The following CEBPZ variants were observed in gnomAD, a reference collection of about 807,000 sequenced individuals.
CEBPZ encodes the protein CCAAT enhancer binding protein zeta.
A neutral mutation model predicts 104.5 loss-of-function variants in CEBPZ; 78 were observed. That is an observed-to-expected ratio of 0.75 (90% confidence interval 0.62 to 0.90). The LOEUF (loss-of-function observed/expected upper bound fraction) is 0.90. Ranked by LOEUF, CEBPZ falls within the 40% of genes least tolerant of loss-of-function variation. The pLI, the probability that CEBPZ is intolerant of heterozygous loss-of-function variation, is 0.00. For synonymous variants in CEBPZ, 470 were observed against 427.0 expected, an observed-to-expected ratio of 1.10 and a Z score of -1.24; for missense variants, 1,439 against 1,233.5, an observed-to-expected ratio of 1.17 and a Z score of -2.50.
At chr2:37,220,855 G>C (rs926653928) in intron 4 of CEBPZ, among the ~76,000 whole-genome samples, 1 of 152,144 alleles carries the variant, frequency 6.6e-6, no homozygotes, top group Non-Finnish European at 1.5e-5. Flanking sequence ...AAACTAGCCA[G>C]GTGTGGTGGT....
At chr2:37,215,106 ATC>A (rs889092164) in intron 8 of CEBPZ, among the ~76,000 whole-genome samples, 154 bp from the exon 9 acceptor site, 30 of 152,222 alleles carry the variant, frequency 2.0e-4, no homozygotes, top group Admixed American at 1.6e-3. Context: ...GCAAGGGACA[ATC>A]TCTGAAAAAG....
chr2:37,226,082 C>T (rs1664880898), intron 2 of CEBPZ, among the ~76,000 whole-genome samples: 1 of 151,718 alleles, frequency 6.6e-6, no homozygotes, highest in Non-Finnish European at 1.5e-5. Context: ...GACACATCCC[C>T]CTCTTCGAGA....
At chr2:37,210,266 C>T (rs1164109404) in intron 13 of CEBPZ, 1 of 151,996 alleles carries the variant, frequency 6.6e-6, no homozygotes, top group Non-Finnish European at 1.5e-5. Context: ...TCTAGCAATC[C>T]CACCACTGGG....
At chr2:37,212,620 C>T (rs1558471264) in intron 10 of CEBPZ, 4 of 533,754 alleles carry the variant, frequency 7.5e-6, no homozygotes, top group Non-Finnish European at 1.3e-5. Flanking sequence ...TTAATTTCGG[C>T]TCTTTCTACA....
chr2:37,220,516 C>G (rs1159384461), intron 4 of CEBPZ, 43 bp from the exon 5 acceptor site: 1 of 1,081,990 alleles, frequency 9.2e-7, no homozygotes, highest in Non-Finnish European at 1.4e-6. Context: ...ATGCTTTCTT[C>G]CTAGCCCAAG....
At chr2:37,222,045 A>T (rs1664781765) in intron 4 of CEBPZ, among the ~76,000 whole-genome samples, 1 of 152,182 alleles carries the variant, frequency 6.6e-6, no homozygotes, top group South Asian at 2.1e-4. Flanking sequence ...GCACTTTGGG[A>T]GGCTGAGGCA....
At chr2:37,212,212 C>T (rs1487680971) in intron 11 of CEBPZ, 123 bp downstream of exon 11, 1 of 1,016,342 alleles carries the variant, frequency 9.8e-7, no homozygotes, top group African/African-American at 1.6e-5. Flanking sequence ...GTACTGTATC[C>T]ACTTCCCAAA....
intron 13 of CEBPZ, among the ~76,000 whole-genome samples, chr2:37,208,456 G>A (rs2148343239): frequency 6.6e-6 from 1 of 152,238 alleles, no homozygotes; most frequent in African/African-American, 2.4e-5. Context: ...ATGATCAAGT[G>A]GGTTTCTTGC....
At chr2:37,215,714 T>C (rs1034794287) in intron 8 of CEBPZ, among the ~76,000 whole-genome samples, 1 of 152,176 alleles carries the variant, frequency 6.6e-6, no homozygotes, top group African/African-American at 2.4e-5. Context: ...TTATTAAGTT[T>C]AAAATGATGC....
chr2:37,231,311 C>A (rs774045566), intron 1 of CEBPZ, 101 bp downstream of exon 1: 2 of 1,536,048 alleles, frequency 1.3e-6, no homozygotes, highest in Non-Finnish European at 1.8e-6. Context: ...CGGTCCTGGA[C>A]GCCCGCGCTC....
Position 37,228,065 on chromosome 2 carries a change from C to CTTG in CEBPZ, c.1125_1127dup (p.Asn375dup). The CTTG allele has an allele frequency of 1.9e-6, 3 of 1,614,192 alleles. No homozygotes were observed. The highest frequency in any genetic ancestry group is 2.5e-6 in the Non-Finnish European group (3 of 1,180,022). On this transcript the variant is annotated inframe_insertion, in exon 2 of 16. Transcript: ENST00000234170. The stretch of plus-strand genomic sequence containing the variant: ...CAAGAAGAGCCTTTTCTTCCTCAGG[C>CTTG]TTGTTACAAAGCAGCTCATGAGCCA...
At chr2:37,208,129 A>G (rs1159702279) in intron 13 of CEBPZ, among the ~76,000 whole-genome samples, 3 of 152,218 alleles carry the variant, frequency 2.0e-5, no homozygotes, top group Non-Finnish European at 4.4e-5. Context: ...ACAGACCAAT[A>G]ACAAGTAGCA....
chr2:37,216,302 A>G lies in CEBPZ; in HGVS notation c.2311+14T>C, dbSNP rs748309319. 20 of 1,610,118 alleles carry G rather than the reference A, an allele frequency of 1.2e-5. No homozygotes were observed. The highest frequency in any genetic ancestry group is 5.1e-6 in the Non-Finnish European group (6 of 1,177,330). ...AAAAATGAAAGCCAAATAATTCACT[A>G]AATAGAAGCATACCTTTGCCTTTAT... On this transcript the variant is annotated intron_variant, in intron 7 of 15. Transcript: ENST00000234170.
intron 1 of CEBPZ, among the ~76,000 whole-genome samples, chr2:37,229,796 C>T (rs1664995045): frequency 6.6e-6 from 1 of 152,176 alleles, no homozygotes; most frequent in African/African-American, 2.4e-5. Flanking sequence ...GCAGCCTCAA[C>T]CTCCCAGGCT....
chr2:37,228,105 G>A lies in CEBPZ; in HGVS notation c.1088C>T (p.Thr363Ile). ...LSHDTLVTTK[T>I]RALTVAHELL... Reference sequence around the variant, plus strand: ...CTCATGAGCCACGGTAAGGGCTCGAGTTTTAGTGGTTACTAATGTATCATG... The same window carrying A: ...CTCATGAGCCACGGTAAGGGCTCGAATTTTAGTGGTTACTAATGTATCATG... The change falls in exon 2 of 16, where the codon ACT (threonine) becomes ATT (isoleucine). Residue 363 changes from threonine to isoleucine, a missense_variant. By Grantham distance (89) the Thr-to-Ile change is moderately conservative. Transcript: ENST00000234170. The A allele has an allele frequency of 1.2e-6, 2 of 1,614,196 alleles. No homozygotes were observed. The highest frequency in any genetic ancestry group is 1.7e-6 in the Non-Finnish European group (2 of 1,180,038).
At chr2:37,204,876 C>G (rs535686208) in intron 13 of CEBPZ, 1 of 152,286 alleles carries the variant, frequency 6.6e-6, no homozygotes, top group South Asian at 2.1e-4. Context: ...GAAACAAGCT[C>G]AGAGCATCTT....
At position 37,217,630 on chromosome 2, in the gene CEBPZ, C is replaced by A. The variant is rs12993090; in HGVS notation, c.2155-593G>T. Among the ~76,000 whole-genome samples the A allele has an allele frequency of 2.6e-5, 4 of 151,502 alleles. No individual in the cohort carries two copies. In the East Asian group the frequency reaches 5.9e-4, roughly 22 times the overall value. ...AAAATAACAATAAAGCGGCCAGGCG[C>A]GGTGGCTCATGCCTGTAATCCCAGC... On this transcript the variant is annotated intron_variant, in intron 5 of 15. Coordinates refer to ENST00000234170, the MANE Select transcript of CEBPZ (RefSeq NM_005760.3).
intron 13 of CEBPZ, among the ~76,000 whole-genome samples, chr2:37,206,991 C>T (rs1677560757): frequency 1.3e-5 from 2 of 152,254 alleles, no homozygotes; most frequent in East Asian, 1.9e-4. Flanking sequence ...CAAAAGCAAG[C>T]AGGACTAGCT....
chr2:37,217,378 G>A (rs540818367), intron 5 of CEBPZ, among the ~76,000 whole-genome samples: 303 of 152,254 alleles, frequency 2.0e-3, no homozygotes, highest in Non-Finnish European at 3.2e-3. Flanking sequence ...TCCAGCCTGG[G>A]TGACAGAGTG....
Sources: gnomAD v4.1 joint callset for allele counts (sites outside exome capture counted in the v4.1 genomes callset) on GRCh38, gnomAD v4.1.1 for gene constraint, MANE v1.5 for transcripts, NCBI Gene and HGNC (gene_info 2026-07-23, HGNC 2026-07-21) for gene names.